HTR1D: variants seen among roughly 807,000 people sequenced by gnomAD.
The protein encoded by HTR1D is 5-hydroxytryptamine receptor 1D, also known as 5-HT-1D.
Under a neutral mutation model 21.1 loss-of-function variants are expected in HTR1D, and 18 were observed. The observed-to-expected ratio is 0.85, with a 90% confidence interval of 0.59 to 1.27. The LOEUF is 1.27. Ranked by LOEUF, HTR1D falls within the 50% of genes most tolerant of loss-of-function variation. HTR1D has a pLI of 0.00. For synonymous variants in HTR1D, 196 were observed against 204.4 expected (o/e 0.96, Z 0.35); for missense variants, 456 against 481.4 (o/e 0.95, Z 0.49).
At chr1:23,197,669 C>A (rs1202751595) in intron 1 of HTR1D, among the ~76,000 whole-genome samples, 1 of 151,332 alleles carries the variant, frequency 6.6e-6, no homozygotes, top group African/African-American at 2.4e-5. Context: ...TTGCAGTGAG[C>A]CAAGATTGCA....
In HTR1D at chr1:23,200,378, C is replaced by T. The variant is rs892633364; in HGVS notation, c.-782-5377G>A. ...TCTCAGCTCCCAATTCCTACTGCTT[C>T]GCTTTCTTGCTGTGGCCACTGGGCA... is the stretch of plus-strand genomic sequence containing the variant. On this transcript the variant is annotated intron_variant, in intron 1 of 1. Coordinates refer to ENST00000374619, the MANE Select transcript of HTR1D (RefSeq NM_000864.5). Among the ~76,000 whole-genome samples, 11 of 152,322 alleles carry T rather than the reference C, an allele frequency of 7.2e-5. No homozygotes were observed. In the East Asian group the frequency reaches 1.3e-3, roughly 19 times the overall value.
Position 23,201,740 on chromosome 1 carries a change from G to A in HTR1D, c.-782-6739C>T, listed in dbSNP as rs10218466. Among the ~76,000 whole-genome samples, 1,309 of 152,168 alleles carry A rather than the reference G, an allele frequency of 8.6e-3. 9 individuals carry two copies. Among genetic ancestry groups the A allele is most frequent in the African/African-American group, 0.018 (732 of 41,508 alleles). ...CAAATTTTCAATATTTTTTTGTAGAGATGGGGTCTTCCTGTGTTGCCCAGG... is the reference window on the plus strand; with the variant it reads ...CAAATTTTCAATATTTTTTTGTAGAAATGGGGTCTTCCTGTGTTGCCCAGG... On this transcript the variant is annotated intron_variant, in intron 1 of 1. Coordinates refer to ENST00000374619, the MANE Select transcript of HTR1D (RefSeq NM_000864.5).
chr1:23,192,453 G>C lies in HTR1D; in HGVS notation c.*633C>G, dbSNP rs1644661522. 6.6e-6 allele frequency: 1 copy of C among 152,574 alleles called. No individual in the cohort carries two copies. 9.5% of individuals were successfully genotyped at this position (152,574 alleles called of 1,614,324 possible). ...ACCAGAGAGCCTTCCCTCTGAGTCT[G>C]GGGTCTTTTCTATAATCAAACAGTT... On this transcript the variant is annotated 3_prime_UTR_variant, in exon 2 of 2. Coordinates refer to ENST00000374619, the MANE Select transcript of HTR1D (RefSeq NM_000864.5).
Position 23,194,564 on chromosome 1 carries a change from C to G in HTR1D, c.-345G>C, listed in dbSNP as rs1644677831. The stretch of plus-strand genomic sequence containing the variant: ...CCAGCAGATGGTCATGCCCAGGGGA[C>G]ACATGCTGAATTTGTTAGACAATTA... On this transcript the variant is annotated 5_prime_UTR_variant, in exon 2 of 2. Transcript: ENST00000374619. 5.6e-6 allele frequency: 1 copy of G among 177,746 alleles called. No individual in the cohort carries two copies. Among genetic ancestry groups the G allele is most frequent in the Admixed American group, 5.9e-5 (1 of 16,824 alleles). The allele number at this position is 177,746 out of a possible 1,614,324, so 11.0% of individuals were successfully genotyped here.
intron 1 of HTR1D, among the ~76,000 whole-genome samples, chr1:23,198,063 G>A (rs1383324926): frequency 1.1e-4 from 16 of 145,986 alleles, no homozygotes; most frequent in Non-Finnish European, 2.3e-4. Context: ...GTGAGATCCT[G>A]TCTCTTAAAA....
intron 1 of HTR1D, among the ~76,000 whole-genome samples, chr1:23,206,196 C>T (rs1644730200): frequency 6.6e-6 from 1 of 152,088 alleles, no homozygotes; most frequent in Non-Finnish European, 1.5e-5. Context: ...TGCCCACCAC[C>T]ATACCCAGCT....
intron 1 of HTR1D, among the ~76,000 whole-genome samples, chr1:23,204,114 A>G (rs1306581190): frequency 6.6e-6 from 1 of 151,424 alleles, no homozygotes; most frequent in Non-Finnish European, 1.5e-5. Context: ...CTCTTTCTTT[A>G]TAAGTTACCC....
chr1:23,200,581 C>A (rs1644705797), intron 1 of HTR1D, among the ~76,000 whole-genome samples: 2 of 151,954 alleles, frequency 1.3e-5, no homozygotes, highest in South Asian at 4.2e-4. Context: ...CCTGTGTCGC[C>A]CAGGCTGGTC....
In HTR1D at chr1:23,193,813, C is replaced by T; in HGVS notation, c.407G>A (p.Arg136Lys). Residue 136 changes from arginine to lysine, a missense_variant, in exon 2 of 2, where the codon AGG (arginine) becomes AAG (lysine). Arg to Lys is a conservative substitution (Grantham distance 26, BLOSUM62 2). Coordinates refer to ENST00000374619, the MANE Select transcript of HTR1D (RefSeq NM_000864.5). ...ILHLCVIALD[R>K]YWAITDALEY... Reference sequence around the variant, plus strand: ...CAGGGCATCTGTGATTGCCCAGTACCTGTCCAGAGCAATGACACAGAGATG... The same window carrying T: ...CAGGGCATCTGTGATTGCCCAGTACTTGTCCAGAGCAATGACACAGAGATG... 3 of 1,614,216 alleles carry T rather than the reference C, an allele frequency of 1.9e-6. No homozygotes were observed. Among genetic ancestry groups the T allele is most frequent in the Non-Finnish European group, 2.5e-6 (3 of 1,180,018 alleles).
At chr1:23,205,822 G>A (rs781720766) in intron 1 of HTR1D, among the ~76,000 whole-genome samples, 27 of 152,124 alleles carry the variant, frequency 1.8e-4, no homozygotes, top group Admixed American at 3.3e-4. Context: ...GATTACAGGC[G>A]TGTGCCACTG....
chr1:23,217,407 G>A lies in HTR1D; in HGVS notation c.-899C>T, dbSNP rs1349603901. Among the ~76,000 whole-genome samples the A allele has an allele frequency of 6.6e-6, 1 of 151,666 alleles. No individual in the cohort carries two copies. The highest frequency in any genetic ancestry group is 1.5e-5 in the Non-Finnish European group (1 of 67,840). ...GCCGCGACCCCCGCCGAACTCGGGG[G>A]CCGCCCGCCCCGCCGCCCCGGGGCC... On this transcript the variant is annotated 5_prime_UTR_variant, in exon 1 of 2. Coordinates refer to ENST00000374619, the MANE Select transcript of HTR1D (RefSeq NM_000864.5). The surrounding 1 kb of genome is among the most constrained non-coding windows in gnomAD (Gnocchi z 4.6).
chr1:23,215,571 G>C (rs1161597467), intron 1 of HTR1D, among the ~76,000 whole-genome samples: 1 of 152,226 alleles, frequency 6.6e-6, no homozygotes, highest in Non-Finnish European at 1.5e-5. Flanking sequence ...CATACTCTGA[G>C]AATCTGTATT....
At chr1:23,209,648 C>T (rs538940555) in intron 1 of HTR1D, among the ~76,000 whole-genome samples, 3 of 152,272 alleles carry the variant, frequency 2.0e-5, no homozygotes, top group Admixed American at 1.3e-4. Flanking sequence ...GACCGCAACC[C>T]TCTGTAGTCA....
In HTR1D at chr1:23,192,158, G is replaced by C. The variant is rs1380810725; in HGVS notation, c.*928C>G. On this transcript the variant is annotated 3_prime_UTR_variant, in exon 2 of 2. Coordinates refer to ENST00000374619, the MANE Select transcript of HTR1D (RefSeq NM_000864.5). ...AGGAAGGGTACAGGGTAGTCAATCT[G>C]GTCCCAACCATCCTACCCCCGCTAC... 3 of 152,072 alleles carry C rather than the reference G, an allele frequency of 2.0e-5. No homozygotes were observed. Among genetic ancestry groups the C allele is most frequent in the Non-Finnish European group, 4.4e-5 (3 of 68,038 alleles). 9.4% of individuals were successfully genotyped at this position (152,072 alleles called of 1,614,324 possible).
intron 1 of HTR1D, among the ~76,000 whole-genome samples, chr1:23,203,755 CAT>C (rs371764478): frequency 2.6e-5 from 4 of 152,306 alleles, no homozygotes; most frequent in African/African-American, 4.8e-5. Flanking sequence ...CCAAGAAAAA[CAT>C]GTGTGTACGT....
intron 1 of HTR1D, among the ~76,000 whole-genome samples, chr1:23,209,169 T>A (rs1002459912): frequency 4.6e-5 from 7 of 151,990 alleles, no homozygotes; most frequent in African/African-American, 1.5e-4. Context: ...TGGCTAATTT[T>A]TGTATTTTTA....
At chr1:23,211,788 A>G (rs1447825583) in intron 1 of HTR1D, among the ~76,000 whole-genome samples, 1 of 151,976 alleles carries the variant, frequency 6.6e-6, no homozygotes, top group African/African-American at 2.4e-5. Flanking sequence ...CAGCCTCCCA[A>G]GTTGCTAGAA....
At chr1:23,209,019 A>G (rs1355437199) in intron 1 of HTR1D, among the ~76,000 whole-genome samples, 1 of 139,304 alleles carries the variant, frequency 7.2e-6, no homozygotes, top group African/African-American at 2.7e-5. Flanking sequence ...TTTTTTTGAG[A>G]CAGTCTTGCT....
rs779077640 is a variant in HTR1D at position 23,194,220 on chromosome 1, G to GCTAGGTGGCTCTCTCTTC, written c.-19_-2dup. ...CTGCTGACTGGTTCAGTGGGGACATGCTAGGTGGCTCTCTCTTCCCACAGA... is the reference window on the plus strand; with the variant it reads ...CTGCTGACTGGTTCAGTGGGGACATGCTAGGTGGCTCTCTCTTCCTAGGTGGCTCTCTCTTCCCACAGA... On this transcript the variant is annotated 5_prime_UTR_variant, in exon 2 of 2. Coordinates refer to ENST00000374619, the MANE Select transcript of HTR1D (RefSeq NM_000864.5). 6.2e-7 allele frequency: 1 copy of GCTAGGTGGCTCTCTCTTC among 1,609,462 alleles called. No homozygotes were observed.
Sources: gnomAD v4.1 joint callset for allele counts (sites outside exome capture counted in the v4.1 genomes callset) on GRCh38, gnomAD v4.1.1 for gene constraint, Gnocchi (gnomAD v3.1) non-coding constraint, MANE v1.5 for transcripts, NCBI Gene and HGNC (gene_info 2026-07-23, HGNC 2026-07-21) for gene names.